TDP1: variants seen among roughly 807,000 people sequenced by gnomAD.
TDP1 encodes tyrosyl-DNA phosphodiesterase 1.
TDP1 carries 64 observed loss-of-function variants against 81.5 expected under a neutral mutation model. The observed-to-expected ratio is 0.79, with a 90% CI of 0.64 to 0.97. The LOEUF (loss-of-function observed/expected upper bound fraction) is 0.97. TDP1 is among the 50% of genes least tolerant of loss of function. The pLI is 0.00. For missense variants in TDP1, 723 were observed against 743.8 expected, an observed-to-expected ratio of 0.97 and a Z score of 0.33; for synonymous variants, 256 against 264.3, an observed-to-expected ratio of 0.97 and a Z score of 0.30.
intron 14 of TDP1, among the ~76,000 whole-genome samples, chr14:89,998,797 C>T (rs1422324301): frequency 1.3e-5 from 2 of 151,944 alleles, no homozygotes; most frequent in Admixed American, 6.6e-5. Flanking sequence ...GTGAGTGTTA[C>T]TGGAGTCAAT....
At chr14:89,963,736 A>T in intron 3 of TDP1, 63 bp downstream of exon 3, 1 of 1,558,314 alleles carries the variant, frequency 6.4e-7, no homozygotes, top group Non-Finnish European at 8.8e-7. Flanking sequence ...CCTCCGTGAA[A>T]CAAGGAGGGC....
intron 14 of TDP1, among the ~76,000 whole-genome samples, chr14:90,005,646 C>T (rs1897613164): frequency 1.3e-5 from 2 of 152,270 alleles, no homozygotes; most frequent in South Asian, 4.1e-4. Flanking sequence ...TAAGTACTAA[C>T]CACAAGGTAA....
At chr14:90,011,312 T>G (rs1439912911) in intron 14 of TDP1, among the ~76,000 whole-genome samples, 2 of 152,102 alleles carry the variant, frequency 1.3e-5, no homozygotes, top group African/African-American at 4.8e-5. Flanking sequence ...TGGGGTGCTG[T>G]TATAAGGATA....
intron 6 of TDP1, among the ~76,000 whole-genome samples, chr14:89,973,161 T>C (rs1893855723): frequency 6.6e-6 from 1 of 152,234 alleles, no homozygotes; most frequent in South Asian, 2.1e-4. Context: ...CATGGGCTCA[T>C]CTCATGCCCA....
At chr14:89,972,103 A>G (rs1400307788) in intron 6 of TDP1, among the ~76,000 whole-genome samples, 1 of 151,582 alleles carries the variant, frequency 6.6e-6, no homozygotes, top group Non-Finnish European at 1.5e-5. Context: ...AAGCTATGTT[A>G]GTTTGTTCTT....
At chr14:90,035,720 G>A (rs868487476) in intron 16 of TDP1, among the ~76,000 whole-genome samples, 1 of 143,370 alleles carries the variant, frequency 7.0e-6, no homozygotes, top group Non-Finnish European at 1.5e-5. Context: ...TGTTCTTCAG[G>A]TTCCTTTTCT....
chr14:89,989,208 TG>T (rs1895910694), intron 11 of TDP1, 118 bp downstream of exon 11: 3 of 1,077,932 alleles, frequency 2.8e-6, no homozygotes, highest in Non-Finnish European at 3.8e-6. Flanking sequence ...TTTTTTTTTT[TG>T]GCGTGGCGGG....
In TDP1 at chr14:89,988,959, G is replaced by A. The variant is rs1895870366; in HGVS notation, c.1186G>A (p.Gly396Ser). ...TAACGCAGAGTCCTGGCCTGTCGTA[G>A]GTCAGTTTTCAAGCGTTGGCTCCTT... Reference protein sequence around the residue: ...MPNAESWPVVGQFSSVGSLGA... With the variant: ...MPNAESWPVVSQFSSVGSLGA... The change falls in exon 11 of 17, where the codon GGT (glycine) becomes AGT (serine). Residue 396 changes from glycine to serine, a missense_variant. Physicochemically the swap from Gly to Ser is moderately conservative, Grantham distance 56. Transcript: ENST00000335725. 1 of 1,614,068 alleles carries A rather than the reference G, an allele frequency of 6.2e-7. No individual in the cohort carries two copies. The highest frequency in any genetic ancestry group is 1.7e-5 in the Admixed American group (1 of 59,998).
intron 4 of TDP1, chr14:89,966,969 G>A (rs1893016151): frequency 4.1e-6 from 4 of 984,908 alleles, no homozygotes; most frequent in Non-Finnish European, 4.8e-6. Context: ...TTTTCTGAAA[G>A]TCCTGGGATC....
chr14:89,979,344 C>CTT (rs1894719294), intron 7 of TDP1, among the ~76,000 whole-genome samples: 1 of 151,150 alleles, frequency 6.6e-6, no homozygotes, highest in South Asian at 2.1e-4. Context: ...GAGTTTCACT[C>CTT]TGTCACCCAG....
intron 6 of TDP1, 24 bp from the exon 7 acceptor site, chr14:89,975,757 T>C (rs1414989257): frequency 6.2e-7 from 1 of 1,601,954 alleles, no homozygotes; most frequent in Non-Finnish European, 8.6e-7. Flanking sequence ...TGTTTTTAAA[T>C]AAATGACTTC....
At chr14:90,002,849 G>A (rs1897297675) in intron 14 of TDP1, among the ~76,000 whole-genome samples, 1 of 152,064 alleles carries the variant, frequency 6.6e-6, no homozygotes, top group African/African-American at 2.4e-5. Flanking sequence ...CTCCAGCCTA[G>A]GCAACAGAGT....
intron 14 of TDP1, among the ~76,000 whole-genome samples, chr14:90,016,147 C>T (rs758425100): frequency 5.3e-5 from 8 of 151,638 alleles, no homozygotes; most frequent in South Asian, 2.1e-4. Flanking sequence ...TGGGTTCAAG[C>T]GATTCTCCTG....
At chr14:90,000,305 C>G (rs1433796256) in intron 14 of TDP1, among the ~76,000 whole-genome samples, 1 of 152,168 alleles carries the variant, frequency 6.6e-6, no homozygotes, top group Non-Finnish European at 1.5e-5. Flanking sequence ...AAGTGAAACT[C>G]TATCATATTC....
At chr14:89,988,266 A>G (rs1566878032) in intron 10 of TDP1, among the ~76,000 whole-genome samples, 1 of 152,174 alleles carries the variant, frequency 6.6e-6, no homozygotes, top group African/African-American at 2.4e-5. Context: ...GCTTCATTAC[A>G]TAGGCATGGT....
intron 6 of TDP1, among the ~76,000 whole-genome samples, chr14:89,974,939 T>C (rs1894108516): frequency 6.6e-6 from 1 of 152,240 alleles, no homozygotes; most frequent in Non-Finnish European, 1.5e-5. Context: ...TACCCTCCAT[T>C]AGTTTGTAAA....
intron 6 of TDP1, 169 bp from the exon 7 acceptor site, chr14:89,975,612 C>A: frequency 2.2e-6 from 1 of 452,608 alleles, no homozygotes; most frequent in Non-Finnish European, 2.9e-6. Context: ...AATGAGCGTC[C>A]CCAGATGCTA....
chr14:89,998,877 A>T (rs1896954720), intron 14 of TDP1, among the ~76,000 whole-genome samples: 1 of 151,902 alleles, frequency 6.6e-6, no homozygotes, highest in Non-Finnish European at 1.5e-5. Flanking sequence ...CTGCTTTCAG[A>T]TATTACCGTT....
At chr14:89,975,945 G>C in intron 7 of TDP1, 130 bp downstream of exon 7, 1 of 778,214 alleles carries the variant, frequency 1.3e-6, no homozygotes, top group Non-Finnish European at 2.3e-6. Context: ...AACTGAGCCT[G>C]GGGGAGCTAT....
Sources: gnomAD v4.1 joint callset for allele counts (sites outside exome capture counted in the v4.1 genomes callset) on GRCh38, gnomAD v4.1.1 for gene constraint, MANE v1.5 for transcripts, NCBI Gene and HGNC (gene_info 2026-07-23, HGNC 2026-07-21) for gene names.